The following SRGAP3 variants were observed in gnomAD, a reference collection of about 807,000 sequenced individuals.
SRGAP3 encodes the protein SLIT-ROBO Rho GTPase activating protein 3, also known as SLIT-ROBO Rho GTPase-activating protein 3.
Under a neutral mutation model 121.1 loss-of-function variants are expected in SRGAP3, and 39 were observed. The ratio of observed to expected loss-of-function variants is 0.32; its 90% CI spans 0.25 to 0.42. The LOEUF (loss-of-function observed/expected upper bound fraction) is 0.42. SRGAP3 is among the 10% of genes least tolerant of loss of function. The pLI, the probability that SRGAP3 is intolerant of heterozygous loss-of-function variation, is 1.00. For missense variants in SRGAP3, 1,213 were observed against 1,470.6 expected (o/e 0.82, Z 2.86); for synonymous variants, 601 against 570.0 (o/e 1.05, Z -0.77).
In SRGAP3 at chr3:9,091,184, C is replaced by T. The variant is rs547026063; in HGVS notation, c.424-11097G>A. ...GTAATGCAGGAGTAAGACAGGTGGC[C>T]TTTGTTAACTCTCAGTTATCCGTGC... On this transcript the variant is annotated intron_variant, in intron 3 of 21. Coordinates refer to ENST00000383836, the MANE Select transcript of SRGAP3 (RefSeq NM_014850.4). 5.3e-5 allele frequency among the ~76,000 whole-genome samples: 8 copies of T among 152,172 alleles called. No individual in the cohort carries two copies. The East Asian group carries it at 1.2e-3, about 22-fold the overall frequency.
chr3:9,136,028 G>A (rs1025618839), intron 1 of SRGAP3, among the ~76,000 whole-genome samples: 18 of 152,230 alleles, frequency 1.2e-4, no homozygotes, highest in African/African-American at 3.4e-4. Flanking sequence ...AGGCACGCTG[G>A]GCACCGAGCT....
chr3:9,343,457 C>T (rs1462611941), intron 1 of SRGAP3, among the ~76,000 whole-genome samples: 1 of 152,120 alleles, frequency 6.6e-6, no homozygotes, highest in African/African-American at 2.4e-5. Context: ...CTCATAAATG[C>T]TGCCAAAGTA....
chr3:9,078,847 C>T (rs1264312539), intron 4 of SRGAP3, among the ~76,000 whole-genome samples: 1 of 152,146 alleles, frequency 6.6e-6, no homozygotes, highest in Non-Finnish European at 1.5e-5. Flanking sequence ...TTTGGAATCA[C>T]AGAATTAAAA....
chr3:9,051,557 G>A (rs1208215524), intron 9 of SRGAP3, among the ~76,000 whole-genome samples: 1 of 152,110 alleles, frequency 6.6e-6, no homozygotes, highest in Non-Finnish European at 1.5e-5. Context: ...AAAGCCTTAG[G>A]AAGAGTGAGG....
intron 11 of SRGAP3, 190 bp downstream of exon 11, chr3:9,037,873 C>G (rs1419498864): frequency 6.8e-6 from 5 of 736,136 alleles, no homozygotes; most frequent in African/African-American, 5.3e-5. Context: ...AGGGGCGTGG[C>G]TTTGTCAGTC....
At chr3:9,149,122 G>A (rs1291488930) in intron 1 of SRGAP3, among the ~76,000 whole-genome samples, 1 of 151,148 alleles carries the variant, frequency 6.6e-6, no homozygotes, top group Non-Finnish European at 1.5e-5. Flanking sequence ...GCTGATGCAG[G>A]AGAATCGCTT....
At chr3:9,242,925 T>C (rs1339707088) in intron 1 of SRGAP3, among the ~76,000 whole-genome samples, 1 of 152,134 alleles carries the variant, frequency 6.6e-6, no homozygotes, top group East Asian at 1.9e-4. Context: ...GCTCAAGTGA[T>C]CCACCCATCT....
chr3:9,193,678 A>G (rs978793476), intron 1 of SRGAP3: 2 of 152,436 alleles, frequency 1.3e-5, no homozygotes, highest in African/African-American at 4.8e-5. Flanking sequence ...GGCTGCACAG[A>G]ACGTCTCCCC....
intron 3 of SRGAP3, among the ~76,000 whole-genome samples, chr3:9,256,336 C>G (rs1398482540): frequency 3.3e-5 from 5 of 152,176 alleles, no homozygotes; most frequent in African/African-American, 1.2e-4. Context: ...CTTCAAACAC[C>G]CAAGCCCTTG....
chr3:9,338,360 T>C (rs1365368445), intron 1 of SRGAP3, among the ~76,000 whole-genome samples: 1 of 152,148 alleles, frequency 6.6e-6, no homozygotes. Flanking sequence ...GGGCAAAATG[T>C]GATGTGTTCA....
chr3:9,359,753 C>A (rs984342287), intron 1 of SRGAP3, among the ~76,000 whole-genome samples: 1 of 152,216 alleles, frequency 6.6e-6, no homozygotes, highest in African/African-American at 2.4e-5. Flanking sequence ...GAGCTAGGAA[C>A]TGTGGATGAA....
intron 1 of SRGAP3, chr3:9,348,468 T>A: frequency 1.4e-6 from 1 of 691,866 alleles, no homozygotes; most frequent in Non-Finnish European, 2.7e-6. Flanking sequence ...TTGGTGTTGA[T>A]CCAGCATGGC....
intron 14 of SRGAP3, among the ~76,000 whole-genome samples, chr3:9,019,599 T>G (rs1943813723): frequency 6.6e-6 from 1 of 152,238 alleles, no homozygotes; most frequent in Non-Finnish European, 1.5e-5. Context: ...TGGCAAGCAA[T>G]GAAAAGCAGA....
chr3:8,993,642 T>C (rs1942207441), intron 19 of SRGAP3, among the ~76,000 whole-genome samples: 1 of 152,188 alleles, frequency 6.6e-6, no homozygotes, highest in Admixed American at 6.5e-5. Flanking sequence ...CACTATGGCA[T>C]TCCTCTGGCA....
At chr3:9,281,096 C>A (rs1240236852) in intron 3 of SRGAP3, among the ~76,000 whole-genome samples, 2 of 152,178 alleles carry the variant, frequency 1.3e-5, no homozygotes, top group African/African-American at 4.8e-5. Context: ...CACTAATAAA[C>A]TGGCAGCCTC....
At chr3:9,188,849 T>C (rs1348034318) in intron 1 of SRGAP3, among the ~76,000 whole-genome samples, 2 of 152,214 alleles carry the variant, frequency 1.3e-5, no homozygotes, top group Non-Finnish European at 2.9e-5. Flanking sequence ...TAAGAACTAC[T>C]GCTCCCTGCT....
Position 9,017,128 on chromosome 3 carries a change from AT to A in SRGAP3, c.1679-1398del, listed in dbSNP as rs1331360946. Among the ~76,000 whole-genome samples, 3 of 152,168 alleles carry A rather than the reference AT, an allele frequency of 2.0e-5. No homozygotes were observed. The East Asian group carries it at 5.8e-4, about 29-fold the overall frequency. Reference sequence around the variant, plus strand: ...TGTTTGCTTTTTGTAGGAAACAAATATGGTGTCTCATATCGAGACACCAAGA... The same window carrying A: ...TGTTTGCTTTTTGTAGGAAACAAATAGGTGTCTCATATCGAGACACCAAGA... On this transcript the variant is annotated intron_variant, in intron 14 of 21. Transcript: ENST00000383836.
chr3:9,051,663 T>C (rs1463808442), intron 9 of SRGAP3, among the ~76,000 whole-genome samples: 6 of 150,530 alleles, frequency 4.0e-5, no homozygotes, highest in Non-Finnish European at 8.8e-5. Flanking sequence ...AACATATGAA[T>C]AGGAGCATAG....
In SRGAP3 at chr3:9,249,197, T is replaced by A. The variant is rs777849763; in HGVS notation, c.-246A>T. On this transcript the variant is annotated 5_prime_UTR_variant, in exon 1 of 22. Coordinates refer to ENST00000383836, the MANE Select transcript of SRGAP3 (RefSeq NM_014850.4). ...GTCAGCTCCTCTTGCAAAAGAAGAA[T>A]CACCCTAGGAGCACAGTAACCTGCC... 81 of 576,304 alleles carry A rather than the reference T, an allele frequency of 1.4e-4. No homozygotes were observed. Among genetic ancestry groups the A allele is most frequent in the Non-Finnish European group, 2.2e-4 (71 of 323,256 alleles). 35.7% of individuals were successfully genotyped at this position (576,304 alleles called of 1,614,324 possible).
Sources: gnomAD v4.1 joint callset for allele counts (sites outside exome capture counted in the v4.1 genomes callset) on GRCh38, gnomAD v4.1.1 for gene constraint, MANE v1.5 for transcripts, NCBI Gene and HGNC (gene_info 2026-07-23, HGNC 2026-07-21) for gene names.